RPS6KC1: variants seen among roughly 807,000 people sequenced by gnomAD.
RPS6KC1 encodes inactive ribosomal protein S6 kinase delta-1.
A neutral mutation model predicts 103.8 loss-of-function variants in RPS6KC1; 54 were observed. The observed-to-expected ratio is 0.52, with a 90% CI of 0.42 to 0.65. The LOEUF (loss-of-function observed/expected upper bound fraction) is 0.65. Among genes scored for constraint, RPS6KC1 ranks in the 30% least tolerant of loss-of-function variants. RPS6KC1 has a pLI of 0.00. For missense variants in RPS6KC1, 1,151 were observed against 1,253.8 expected, an observed-to-expected ratio of 0.92 and a Z score of 1.24; for synonymous variants, 439 against 438.7, an observed-to-expected ratio of 1.00 and a Z score of -0.01.
At chr1:213,085,580 T>G (rs1260874270) in intron 3 of RPS6KC1, among the ~76,000 whole-genome samples, 1 of 152,150 alleles carries the variant, frequency 6.6e-6, no homozygotes, top group Non-Finnish European at 1.5e-5. Context: ...TGACTCAATG[T>G]TTATATAATA....
the RPS6KC1 span, among the ~76,000 whole-genome samples, chr1:213,620,143 T>G: frequency 6.6e-6 from 1 of 152,248 alleles, no homozygotes; most frequent in Non-Finnish European, 1.5e-5. Context: ...TCCATTTGTG[T>G]ATGGCTGCTT....
chr1:213,155,878 A>G (rs1023967672), intron 6 of RPS6KC1, among the ~76,000 whole-genome samples: 1 of 152,202 alleles, frequency 6.6e-6, no homozygotes, highest in East Asian at 1.9e-4. Context: ...CGTAAAAGCA[A>G]GACCTAAAAG....
At chr1:213,517,635 T>A in the RPS6KC1 span, among the ~76,000 whole-genome samples, 1 of 152,082 alleles carries the variant, frequency 6.6e-6, no homozygotes. Context: ...TGCTGAGGAG[T>A]GCTTTACTTC....
At chr1:213,612,430 A>G in the RPS6KC1 span, among the ~76,000 whole-genome samples, 3 of 152,238 alleles carry the variant, frequency 2.0e-5, no homozygotes, top group Non-Finnish European at 2.9e-5. Context: ...CGAGGGCCTG[A>G]AATAGAAGGC....
the RPS6KC1 span, among the ~76,000 whole-genome samples, chr1:213,438,716 A>C: frequency 6.6e-6 from 1 of 152,084 alleles, no homozygotes; most frequent in Non-Finnish European, 1.5e-5. Context: ...GATTCAGCAA[A>C]TACTTCAACA....
At chr1:213,343,772 C>G in the RPS6KC1 span, among the ~76,000 whole-genome samples, 3 of 151,720 alleles carry the variant, frequency 2.0e-5, no homozygotes, top group South Asian at 6.3e-4. Context: ...CCAAATACTA[C>G]CTGTTCCCCA....
the RPS6KC1 span, among the ~76,000 whole-genome samples, chr1:213,459,009 GTATTT>G: frequency 6.6e-6 from 1 of 152,156 alleles, no homozygotes. Context: ...CAGTTTGCCA[GTATTT>G]TATTGAGGAT....
the RPS6KC1 span, among the ~76,000 whole-genome samples, chr1:213,403,775 G>A: frequency 1.3e-5 from 2 of 151,986 alleles, no homozygotes; most frequent in African/African-American, 4.8e-5. Context: ...GGGGAAAAGG[G>A]GTAGTTCTAT....
the RPS6KC1 span, among the ~76,000 whole-genome samples, chr1:213,737,520 C>T: frequency 6.6e-6 from 1 of 152,162 alleles, no homozygotes; most frequent in Non-Finnish European, 1.5e-5. Context: ...TTGAAAACAG[C>T]TTATGTCAAT....
At chr1:213,327,236 A>AAAAGAAAAGAAAGAAAGAAAGAAAGAAAG in the RPS6KC1 span, among the ~76,000 whole-genome samples, 114 of 144,686 alleles carry the variant, frequency 7.9e-4, no homozygotes, top group African/African-American at 2.2e-3. Flanking sequence ...GAAAGAAAAG[A>AAAAGAAAAGAAAGAAAGAAAGAAAGAAAG]AAAGAAAGAA....
the RPS6KC1 span, among the ~76,000 whole-genome samples, chr1:213,536,301 T>A: frequency 6.6e-6 from 1 of 152,210 alleles, no homozygotes; most frequent in Non-Finnish European, 1.5e-5. Context: ...AAGGTTTTGT[T>A]AAGTAATACC....
At chr1:213,843,411 GT>G in the RPS6KC1 span, 2 of 152,118 alleles carry the variant, frequency 1.3e-5, no homozygotes, top group Admixed American at 6.6e-5. Context: ...GGGTAATACT[GT>G]TTCCCCACAA....
At chr1:213,536,092 C>G in the RPS6KC1 span, among the ~76,000 whole-genome samples, 1 of 152,072 alleles carries the variant, frequency 6.6e-6, no homozygotes, top group Non-Finnish European at 1.5e-5. Context: ...GAGGCATCTG[C>G]TAGAGGCATA....
At chr1:213,513,887 G>C in the RPS6KC1 span, among the ~76,000 whole-genome samples, 1 of 152,200 alleles carries the variant, frequency 6.6e-6, no homozygotes, top group Non-Finnish European at 1.5e-5. Context: ...GCCATGAATA[G>C]AATAGATTCT....
At chr1:213,420,031 G>A in the RPS6KC1 span, among the ~76,000 whole-genome samples, 4 of 152,310 alleles carry the variant, frequency 2.6e-5, no homozygotes, top group East Asian at 7.7e-4. Flanking sequence ...CAAATTTAGG[G>A]GGCTGGGTGG....
the RPS6KC1 span, chr1:213,841,400 A>G: frequency 6.6e-6 from 1 of 152,224 alleles, no homozygotes; most frequent in African/African-American, 2.4e-5. Flanking sequence ...TGCTCTGAAC[A>G]AGAGCATCTA....
chr1:213,364,169 T>C, the RPS6KC1 span, among the ~76,000 whole-genome samples: 6 of 152,324 alleles, frequency 3.9e-5, 1 homozygote, highest in Admixed American at 6.5e-5. Context: ...GATGTGGCTG[T>C]GTTTCAATAC....
the RPS6KC1 span, among the ~76,000 whole-genome samples, chr1:213,516,646 G>A: frequency 6.6e-6 from 1 of 152,174 alleles, no homozygotes; most frequent in African/African-American, 2.4e-5. Context: ...ATTTTATGGA[G>A]GATTTTGGCA....
intron 3 of RPS6KC1, among the ~76,000 whole-genome samples, chr1:213,087,979 G>C (rs1409253686): frequency 6.6e-6 from 1 of 152,018 alleles, no homozygotes; most frequent in Non-Finnish European, 1.5e-5. Flanking sequence ...TGCTAGCCTT[G>C]GTCTGCTTTA....
Sources: allele counts gnomAD v4.1 joint callset (sites outside exome capture counted in the v4.1 genomes callset), GRCh38; gene constraint gnomAD v4.1.1; transcripts MANE v1.5; gene names NCBI Gene and HGNC (gene_info 2026-07-23, HGNC 2026-07-21).